PATJ: variants seen among roughly 807,000 people sequenced by gnomAD.
PATJ encodes inaD-like protein.
A neutral mutation model predicts 224.9 loss-of-function variants in PATJ; 190 were observed. The ratio of observed to expected loss-of-function variants is 0.84; its 90% CI spans 0.75 to 0.95. The LOEUF (loss-of-function observed/expected upper bound fraction) is 0.95, where lower values mean the gene tolerates loss of function less well. Among genes scored for constraint, PATJ ranks in the 40% least tolerant of loss-of-function variants. PATJ has a pLI of 0.00. For missense variants in PATJ, 2,121 were observed against 2,270.3 expected (o/e 0.93, Z 1.34); for synonymous variants, 769 against 820.3 (o/e 0.94, Z 1.07).
intron 21 of PATJ, among the ~76,000 whole-genome samples, chr1:61,883,202 A>G (rs1473216290): frequency 1.3e-5 from 2 of 152,246 alleles, no homozygotes; most frequent in Non-Finnish European, 2.9e-5. Context: ...ACAACTAGGA[A>G]GAACATAAGA....
At chr1:61,765,065 C>CTTTTTTTTTTT (rs1491546787) in intron 3 of PATJ, among the ~76,000 whole-genome samples, 1 of 16,998 alleles carries the variant, frequency 5.9e-5, no homozygotes, top group East Asian at 2.1e-3. Flanking sequence ...TATTGACATT[C>CTTTTTTTTTTT]ATTTTTTTTT....
intron 30 of PATJ, among the ~76,000 whole-genome samples, chr1:62,048,211 A>G (rs1310024205): frequency 1.3e-5 from 2 of 152,202 alleles, no homozygotes. Context: ...TGCTTCAACA[A>G]AAAGCTAGAA....
intron 29 of PATJ, among the ~76,000 whole-genome samples, chr1:62,028,495 C>T (rs1648486223): frequency 6.6e-6 from 1 of 152,174 alleles, no homozygotes; most frequent in South Asian, 2.1e-4. Flanking sequence ...TAATCATATA[C>T]AGGGTGAGTG....
At position 61,750,435 on chromosome 1, in the gene PATJ, C is replaced by CTTT. The variant is rs3030066; in HGVS notation, c.-36+7895_-36+7897dup. 1.3e-3 allele frequency among the ~76,000 whole-genome samples: 156 copies of CTTT among 121,212 alleles called. 4 individuals carry two copies. Among genetic ancestry groups the CTTT allele is most frequent in the Admixed American group, 1.6e-3 (18 of 11,218 alleles). The allele number at this position is 121,212 out of a possible 152,430, so 79.5% of individuals were successfully genotyped here. On this transcript the variant is annotated intron_variant, in intron 1 of 43. Transcript: ENST00000642238. ...TATCCCTTGGGGTTATTTTCTGGAG[C>CTTT]TTTTTTTTTTTTTTTTTGAGATGGA... is the stretch of plus-strand genomic sequence containing the variant.
At chr1:62,050,242 T>C (rs1653361175) in intron 30 of PATJ, among the ~76,000 whole-genome samples, 1 of 151,996 alleles carries the variant, frequency 6.6e-6, no homozygotes. Flanking sequence ...AGTTTAGTCA[T>C]ATACAAAAAA....
At chr1:62,035,422 G>T (rs10127708) in intron 29 of PATJ, among the ~76,000 whole-genome samples, 38,140 of 152,000 alleles carry the variant, frequency 0.25, 6,079 homozygotes, top group African/African-American at 0.45. Context: ...CACAAAAAAA[G>T]TAACCAATTT....
At chr1:61,871,064 G>T (rs4581303) in intron 20 of PATJ, among the ~76,000 whole-genome samples, 71,035 of 125,722 alleles carry the variant, frequency 0.57, 18,110 homozygotes, top group Non-Finnish European at 0.63. Flanking sequence ...TAAAGATTTG[G>T]TTTTTGTTTT....
chr1:62,050,388 T>C (rs756788724), intron 30 of PATJ, among the ~76,000 whole-genome samples: 2 of 152,202 alleles, frequency 1.3e-5, no homozygotes, highest in Non-Finnish European at 2.9e-5. Flanking sequence ...GTTTGCTCAA[T>C]CCAGTGACCT....
At chr1:62,132,079 C>T (rs1176921596) in intron 41 of PATJ, among the ~76,000 whole-genome samples, 2 of 152,074 alleles carry the variant, frequency 1.3e-5, no homozygotes, top group Non-Finnish European at 2.9e-5. Context: ...AACTCCTGAC[C>T]TCAAGTGATC....
intron 28 of PATJ, among the ~76,000 whole-genome samples, chr1:61,999,836 A>G (rs1032190005): frequency 1.3e-5 from 2 of 152,114 alleles, no homozygotes; most frequent in African/African-American, 4.8e-5. Context: ...TAAGGAAGAA[A>G]GTAGTAGTGT....
At chr1:61,908,503 T>G (rs1257141086) in intron 25 of PATJ, 21 bp downstream of exon 25, 1 of 1,521,900 alleles carries the variant, frequency 6.6e-7, no homozygotes, top group Non-Finnish European at 9.1e-7. Flanking sequence ...GTTCATATTT[T>G]CAAAAAGTTT....
chr1:62,113,189 G>A (rs1016185863), intron 34 of PATJ, among the ~76,000 whole-genome samples: 3 of 152,250 alleles, frequency 2.0e-5, no homozygotes, highest in South Asian at 2.1e-4. Context: ...TGCTCTTTTC[G>A]GTACACTGCT....
At chr1:61,980,198 T>C (rs1260046710) in intron 27 of PATJ, among the ~76,000 whole-genome samples, 3 of 151,960 alleles carry the variant, frequency 2.0e-5, no homozygotes, top group Non-Finnish European at 4.4e-5. Context: ...AGCTGGAGGA[T>C]TGCTTGAGCC....
At chr1:61,802,086 C>G (rs1360258494) in intron 12 of PATJ, among the ~76,000 whole-genome samples, 1 of 152,060 alleles carries the variant, frequency 6.6e-6, no homozygotes, top group Non-Finnish European at 1.5e-5. Flanking sequence ...TCCCTCACCA[C>G]TCCTCCCACC....
chr1:61,820,534 G>A (rs1328829638), intron 14 of PATJ, among the ~76,000 whole-genome samples: 1 of 151,810 alleles, frequency 6.6e-6, no homozygotes, highest in Non-Finnish European at 1.5e-5. Context: ...TAGAGATGGG[G>A]TTTCTCCATG....
intron 32 of PATJ, among the ~76,000 whole-genome samples, chr1:62,080,034 A>C (rs1478173349): frequency 6.6e-6 from 1 of 151,952 alleles, no homozygotes. Context: ...TCTCAAAAAA[A>C]AAAAAAAGGA....
chr1:61,826,989 G>A lies in PATJ; in HGVS notation c.1819-433G>A, dbSNP rs1209064902. Among the ~76,000 whole-genome samples the A allele has an allele frequency of 7.9e-5, 12 of 152,080 alleles. 1 individual carries two copies. The highest frequency in any genetic ancestry group is 7.2e-4 in the Admixed American group (11 of 15,254). The stretch of plus-strand genomic sequence containing the variant: ...TTTAACATCCTTAAATTTCTGTAGT[G>A]ATATTCTTATAAAATGAAAATGCAA... On this transcript the variant is annotated intron_variant, in intron 15 of 43. Transcript: ENST00000642238.
At chr1:62,038,826 G>A in intron 30 of PATJ, 3 of 689,372 alleles carry the variant, frequency 4.4e-6, no homozygotes, top group South Asian at 1.4e-5. Flanking sequence ...CTGGGCCGGG[G>A]TGGACGGTGG....
At chr1:62,147,306 T>G (rs377431728) in intron 41 of PATJ, among the ~76,000 whole-genome samples, 2 of 151,906 alleles carry the variant, frequency 1.3e-5, no homozygotes, top group Admixed American at 6.6e-5. Context: ...TGGCCAGAAG[T>G]GTGGAAAATA....
Sources: allele counts gnomAD v4.1 joint callset (sites outside exome capture counted in the v4.1 genomes callset), GRCh38; gene constraint gnomAD v4.1.1; transcripts MANE v1.5; gene names NCBI Gene and HGNC (gene_info 2026-07-23, HGNC 2026-07-21).